ZC3H14: variants seen among roughly 807,000 people sequenced by gnomAD.
ZC3H14 encodes the protein zinc finger CCCH domain-containing protein 14.
Under a neutral mutation model 92.4 loss-of-function variants are expected in ZC3H14, and 31 were observed. That is an observed-to-expected ratio of 0.34 (90% confidence interval 0.25 to 0.45). The LOEUF is 0.45. Among genes scored for constraint, ZC3H14 ranks in the 20% least tolerant of loss-of-function variants. The probability of loss-of-function intolerance (pLI) is 1.00; values close to 1 mark genes in which losing one functional copy is unlikely to be tolerated. For synonymous variants in ZC3H14, 321 were observed against 300.9 expected (o/e 1.07, Z -0.69); for missense variants, 781 against 897.3 (o/e 0.87, Z 1.66).
intron 12 of ZC3H14, among the ~76,000 whole-genome samples, chr14:88,606,883 T>C (rs35346328): frequency 0.18 from 27,449 of 152,076 alleles, 3,023 homozygotes; most frequent in East Asian, 0.47. Context: ...CATCTCCTTA[T>C]CACCTTACCT....
intron 3 of ZC3H14, among the ~76,000 whole-genome samples, chr14:88,568,973 C>T (rs1012645853): frequency 6.6e-6 from 1 of 152,100 alleles, no homozygotes; most frequent in African/African-American, 2.4e-5. Flanking sequence ...CCTCGATCTC[C>T]TGGTTTCAAG....
chr14:88,585,357 T>G (rs571076713), intron 9 of ZC3H14, among the ~76,000 whole-genome samples: 69 of 147,806 alleles, frequency 4.7e-4, no homozygotes, highest in African/African-American at 1.7e-3. Context: ...ACTAGTTTAC[T>G]GTTTAAACCT....
At chr14:88,609,940 C>A in intron 15 of ZC3H14, 137 bp downstream of exon 15, 1 of 931,980 alleles carries the variant, frequency 1.1e-6, no homozygotes, top group Non-Finnish European at 1.7e-6. Context: ...AGTTGTTCCT[C>A]GTCACTGAAC....
At chr14:88,571,255 C>A in intron 4 of ZC3H14, 131 bp downstream of exon 4, 1 of 716,848 alleles carries the variant, frequency 1.4e-6, no homozygotes, top group Non-Finnish European at 2.2e-6. Context: ...TTAGAAAGCA[C>A]ATACTTTTAT....
At chr14:88,594,834 A>G (rs1203078170) in intron 9 of ZC3H14, 1 of 1,614,040 alleles carries the variant, frequency 6.2e-7, no homozygotes, top group Non-Finnish European at 8.5e-7. Flanking sequence ...TGAATGAGCT[A>G]GACAATATTT....
chr14:88,585,693 T>C (rs545730873), intron 9 of ZC3H14, among the ~76,000 whole-genome samples: 8 of 152,236 alleles, frequency 5.3e-5, no homozygotes, highest in African/African-American at 1.9e-4. Context: ...CTTGGCCTCA[T>C]TTCTGTTCTT....
intron 8 of ZC3H14, among the ~76,000 whole-genome samples, chr14:88,577,080 C>T (rs1352816993): frequency 6.6e-6 from 1 of 152,142 alleles, no homozygotes; most frequent in Non-Finnish European, 1.5e-5. Flanking sequence ...CAAGCGTGAG[C>T]CACCGCGCCT....
At chr14:88,605,233 C>T (rs1027263002) in intron 12 of ZC3H14, among the ~76,000 whole-genome samples, 6 of 152,080 alleles carry the variant, frequency 3.9e-5, no homozygotes, top group East Asian at 1.9e-4. Context: ...ATTTACTTTG[C>T]GGGGATGACA....
chr14:88,621,365 A>G lies in ZC3H14; in HGVS notation c.*9614A>G, dbSNP rs1428498827. 6.3e-7 allele frequency: 1 copy of G among 1,592,024 alleles called. No homozygotes were observed. The highest frequency in any genetic ancestry group is 1.3e-5 in the African/African-American group (1 of 74,474). ...AACAGCTGCTTTTCTTCTTCATAATATAAAAATGACCCTATTGACCTGCTT... is the reference window on the plus strand; with the variant it reads ...AACAGCTGCTTTTCTTCTTCATAATGTAAAAATGACCCTATTGACCTGCTT... On this transcript the variant is annotated 3_prime_UTR_variant, in exon 17 of 17. Transcript: ENST00000251038.
At chr14:88,584,135 T>A (rs111790462) in intron 9 of ZC3H14, among the ~76,000 whole-genome samples, 8,315 of 152,300 alleles carry the variant, frequency 0.055, 267 homozygotes, top group Middle Eastern at 0.095. Context: ...ATATTTGCTT[T>A]ATATATCTGG....
Position 88,625,146 on chromosome 14 carries a change from G to A in ZC3H14, c.*13395G>A. 6.2e-7 allele frequency: 1 copy of A among 1,611,992 alleles called. No homozygotes were observed. Among genetic ancestry groups the A allele is most frequent in the Non-Finnish European group, 8.5e-7 (1 of 1,179,110 alleles). ...AGTTATTCTGAAAAGGAGTGGGGGA[G>A]GGGGAGACAAACTCATCAAAAGTTC... On this transcript the variant is annotated 3_prime_UTR_variant, in exon 17 of 17. Coordinates refer to ENST00000251038, the MANE Select transcript of ZC3H14 (RefSeq NM_024824.5).
intron 3 of ZC3H14, among the ~76,000 whole-genome samples, chr14:88,569,393 A>C (rs766438308): frequency 2.0e-5 from 3 of 152,152 alleles, no homozygotes; most frequent in Non-Finnish European, 4.4e-5. Context: ...TGAGATTATA[A>C]GTTTTTTTAA....
intron 8 of ZC3H14, among the ~76,000 whole-genome samples, chr14:88,576,336 T>G (rs1438358071): frequency 6.6e-6 from 1 of 152,230 alleles, no homozygotes; most frequent in Admixed American, 6.5e-5. Flanking sequence ...TATAGAAATT[T>G]GTTAAACAGT....
intron 9 of ZC3H14, among the ~76,000 whole-genome samples, chr14:88,580,897 T>G (rs888449090): frequency 6.6e-6 from 1 of 152,228 alleles, no homozygotes. Context: ...GCATCACTTT[T>G]GTGCTGGAAG....
chr14:88,563,260 C>T, intron 1 of ZC3H14, 91 bp downstream of exon 1: 3 of 1,545,956 alleles, frequency 1.9e-6, no homozygotes, highest in Non-Finnish European at 2.6e-6. Context: ...CGGGTGGACG[C>T]CGCGGCCTGG....
intron 2 of ZC3H14, among the ~76,000 whole-genome samples, chr14:88,565,460 A>G (rs2079441388): frequency 2.0e-5 from 3 of 152,188 alleles, no homozygotes; most frequent in Non-Finnish European, 2.9e-5. Flanking sequence ...GCGATATTAA[A>G]AAATAATTAT....
At chr14:88,576,490 C>T (rs187288184) in intron 8 of ZC3H14, among the ~76,000 whole-genome samples, 431 of 152,306 alleles carry the variant, frequency 2.8e-3, no homozygotes, top group Non-Finnish European at 5.0e-3. Context: ...AAAAGTATTA[C>T]GTTTTCAAAA....
rs1344777008 is a variant in ZC3H14 at position 88,626,432 on chromosome 14, C to G, written c.*14681C>G. 2.8e-5 allele frequency: 5 copies of G among 181,652 alleles called. No homozygotes were observed. The highest frequency in any genetic ancestry group is 5.9e-5 in the Non-Finnish European group (5 of 85,134). 11.3% of individuals were successfully genotyped at this position (181,652 alleles called of 1,614,324 possible). ...GCTTAGGAGCTTGAGACCACCTAGGCAACATAGCGAAACCCTGTCTCTACT... is the reference window on the plus strand; with the variant it reads ...GCTTAGGAGCTTGAGACCACCTAGGGAACATAGCGAAACCCTGTCTCTACT... On this transcript the variant is annotated 3_prime_UTR_variant, in exon 17 of 17. Coordinates refer to ENST00000251038, the MANE Select transcript of ZC3H14 (RefSeq NM_024824.5).
In ZC3H14 at chr14:88,604,760, A is replaced by C. The variant is rs143265510; in HGVS notation, c.1747+1700A>C. ...CAGGCATGCACCATCACACCTGGCT[A>C]ATTTTGTAGTTTAAGTAGAGACGGG... is the stretch of plus-strand genomic sequence containing the variant. On this transcript the variant is annotated intron_variant, in intron 12 of 16. Coordinates refer to ENST00000251038, the MANE Select transcript of ZC3H14 (RefSeq NM_024824.5). Among the ~76,000 whole-genome samples the C allele has an allele frequency of 6.3e-3, 964 of 152,054 alleles. 6 individuals carry two copies. Among genetic ancestry groups the C allele is most frequent in the Middle Eastern group, 0.014 (4 of 294 alleles).
Sources: allele counts gnomAD v4.1 joint callset (sites outside exome capture counted in the v4.1 genomes callset), GRCh38; gene constraint gnomAD v4.1.1; transcripts MANE v1.5; gene names NCBI Gene and HGNC (gene_info 2026-07-23, HGNC 2026-07-21).